The following KIAA0319 variants were observed in gnomAD, a reference collection of about 807,000 sequenced individuals.
The protein encoded by KIAA0319 is dyslexia-associated protein KIAA0319.
A neutral mutation model predicts 108.4 loss-of-function variants in KIAA0319; 83 were observed. The ratio of observed to expected loss-of-function variants is 0.77; its 90% CI spans 0.64 to 0.92. The LOEUF (loss-of-function observed/expected upper bound fraction) is 0.92. Among genes scored for constraint, KIAA0319 ranks in the 40% least tolerant of loss-of-function variants. The pLI is 0.00. For missense variants in KIAA0319, 1,195 were observed against 1,322.4 expected (o/e 0.90, Z 1.49); for synonymous variants, 484 against 510.4 (o/e 0.95, Z 0.70).
Position 24,594,785 on chromosome 6 carries a change from C to G in KIAA0319, c.801+1088G>C, listed in dbSNP as rs749981141. 2.6e-5 allele frequency among the ~76,000 whole-genome samples: 4 copies of G among 152,082 alleles called. 1 individual carries two copies. Among genetic ancestry groups the G allele is most frequent in the South Asian group, 4.1e-4 (2 of 4,830 alleles). On this transcript the variant is annotated intron_variant, in intron 3 of 20. Transcript: ENST00000378214. The stretch of plus-strand genomic sequence containing the variant: ...TGGAATCTAAAGAAGGAAAACTTTT[C>G]CTTTAAAAAATTCTTGAAGTACTCC...
chr6:24,577,904 T>C (rs1169287521), intron 9 of KIAA0319, among the ~76,000 whole-genome samples: 1 of 152,228 alleles, frequency 6.6e-6, no homozygotes, highest in Non-Finnish European at 1.5e-5. Context: ...CCTTTCACTA[T>C]ATATAAATTT....
At chr6:24,597,462 A>T (rs1442858686) in intron 2 of KIAA0319, among the ~76,000 whole-genome samples, 1 of 152,196 alleles carries the variant, frequency 6.6e-6, no homozygotes, top group Non-Finnish European at 1.5e-5. Flanking sequence ...AATCACCTGA[A>T]TGGGGGCTGT....
Position 24,593,494 on chromosome 6 carries a change from G to A in KIAA0319, c.801+2379C>T, listed in dbSNP as rs556862082. 5.6e-5 allele frequency among the ~76,000 whole-genome samples: 8 copies of A among 143,462 alleles called. No individual in the cohort carries two copies. In the South Asian group the frequency reaches 1.8e-3, roughly 33 times the overall value. The allele number at this position is 143,462 out of a possible 152,430, so 94.1% of individuals were successfully genotyped here. A position where few individuals can be genotyped will look rare whatever the true frequency, so the allele number is the denominator to read the frequency against. ...TGCAAGCTGCACCTCCCGGGTTCACGCCATTCTCCTGCCTCAGCCTCCCGA... is the reference window on the plus strand; with the variant it reads ...TGCAAGCTGCACCTCCCGGGTTCACACCATTCTCCTGCCTCAGCCTCCCGA... On this transcript the variant is annotated intron_variant, in intron 3 of 20. Transcript: ENST00000378214.
At chr6:24,575,809 A>G (rs807525) in intron 10 of KIAA0319, among the ~76,000 whole-genome samples, 14,431 of 152,190 alleles carry the variant, frequency 0.095, 696 homozygotes, top group African/African-American at 0.11. Context: ...CTGGTTAGCA[A>G]CAAAAACAAA....
chr6:24,581,156 T>C (rs1766476119), intron 6 of KIAA0319, 143 bp from the exon 7 acceptor site: 2 of 638,722 alleles, frequency 3.1e-6, no homozygotes, highest in East Asian at 2.8e-5. Context: ...TTTGGATCTG[T>C]CAAGAGGCTG....
chr6:24,593,009 C>T (rs1318984989), intron 3 of KIAA0319, among the ~76,000 whole-genome samples: 7 of 152,048 alleles, frequency 4.6e-5, no homozygotes, highest in Admixed American at 3.3e-4. Flanking sequence ...TAAAAAAAAA[C>T]ATTATCTACT....
Position 24,548,228 on chromosome 6 carries a change from G to A in KIAA0319, c.3041-885C>T, listed in dbSNP as rs565082983. ...TTAGTTCAGCTAAAACCAGGCTCTT[G>A]TCACACTACCAGGAAAGATTAGGCT... On this transcript the variant is annotated intron_variant, in intron 20 of 20. Coordinates refer to ENST00000378214, the MANE Select transcript of KIAA0319 (RefSeq NM_014809.4). Among the ~76,000 whole-genome samples, 4 of 152,238 alleles carry A rather than the reference G, an allele frequency of 2.6e-5. No homozygotes were observed. The South Asian group carries it at 6.2e-4, about 24-fold the overall frequency.
chr6:24,565,531 G>A (rs757947123), intron 14 of KIAA0319, among the ~76,000 whole-genome samples: 1 of 152,098 alleles, frequency 6.6e-6, no homozygotes, highest in Non-Finnish European at 1.5e-5. Flanking sequence ...GAAGCGGGTG[G>A]ATCACAAGGT....
chr6:24,618,416 C>G (rs1270778479), intron 1 of KIAA0319, among the ~76,000 whole-genome samples: 1 of 151,984 alleles, frequency 6.6e-6, no homozygotes, highest in Non-Finnish European at 1.5e-5. Context: ...TGAGACCAGC[C>G]TAGGCAACAT....
chr6:24,574,810 T>A (rs889180970), intron 10 of KIAA0319, among the ~76,000 whole-genome samples: 14 of 151,324 alleles, frequency 9.3e-5, no homozygotes, highest in East Asian at 1.9e-4. Context: ...GAAAAAAAAA[T>A]ACTTTCCCCT....
chr6:24,576,744 A>C, intron 9 of KIAA0319, 148 bp from the exon 10 acceptor site: 1 of 637,278 alleles, frequency 1.6e-6, no homozygotes, highest in East Asian at 2.7e-5. Flanking sequence ...ATAGAAGGAG[A>C]CTCTGTCTCT....
chr6:24,569,495 C>T (rs1301681461), intron 12 of KIAA0319, among the ~76,000 whole-genome samples: 1 of 152,176 alleles, frequency 6.6e-6, no homozygotes. Context: ...TTATCTCTTA[C>T]AAACTGATAC....
Position 24,582,278 on chromosome 6 carries a change from C to T in KIAA0319, c.1162G>A (p.Gly388Arg), listed in dbSNP as rs1343978027. The T allele has an allele frequency of 6.2e-7, 1 of 1,610,044 alleles. No homozygotes were observed. Among genetic ancestry groups the T allele is most frequent in the Admixed American group, 1.7e-5 (1 of 59,984 alleles). Residue 388 changes from glycine to arginine, a missense_variant, in exon 6 of 21, where the codon GGA becomes AGA. Transcript: ENST00000378214. ...PTDYQGEIKQ[G>R]HKQTLNLSQL... ...GAGAGGTTAAGAGTTTGCTTGTGTC[C>T]TTGTTTTATTTCACCTTGGTAGTCT... is the stretch of plus-strand genomic sequence containing the variant.
At chr6:24,577,100 T>A (rs1293625954) in intron 9 of KIAA0319, among the ~76,000 whole-genome samples, 1 of 152,258 alleles carries the variant, frequency 6.6e-6, no homozygotes, top group Non-Finnish European at 1.5e-5. Context: ...TTGCTTTTGC[T>A]GCTGTTGGCT....
Position 24,633,711 on chromosome 6 carries a change from A to G in KIAA0319, c.-106+12025T>C, listed in dbSNP as rs950862528. 2.1e-4 allele frequency among the ~76,000 whole-genome samples: 32 copies of G among 152,228 alleles called. 1 individual carries two copies. The highest frequency in any genetic ancestry group is 1.8e-4 in the Non-Finnish European group (12 of 68,046). ...AAAAATATAAAAGGATATTTGGGAA[A>G]TGAGAATAAAAGGTAATGATAAATT... On this transcript the variant is annotated intron_variant, in intron 1 of 20. Coordinates refer to ENST00000378214, the MANE Select transcript of KIAA0319 (RefSeq NM_014809.4).
intron 1 of KIAA0319, among the ~76,000 whole-genome samples, chr6:24,609,278 A>C (rs1476161511): frequency 2.0e-5 from 3 of 150,106 alleles, no homozygotes; most frequent in South Asian, 4.2e-4. Context: ...AAAAACAAAA[A>C]AAAAAAAAAA....
intron 3 of KIAA0319, among the ~76,000 whole-genome samples, chr6:24,589,250 GCTAGCT>G (rs1768060461): frequency 6.6e-6 from 1 of 152,172 alleles, no homozygotes; most frequent in African/African-American, 2.4e-5. Context: ...GAAAGAGCTA[GCTAGCT>G]CTCTTTCTTC....
chr6:24,597,036 C>T (rs1769756412), intron 2 of KIAA0319, among the ~76,000 whole-genome samples: 1 of 152,114 alleles, frequency 6.6e-6, no homozygotes, highest in African/African-American at 2.4e-5. Context: ...TCCATCACTC[C>T]ATCCCTCCAC....
chr6:24,558,983 T>C, intron 17 of KIAA0319, 30 bp downstream of exon 17: 3 of 1,583,158 alleles, frequency 1.9e-6, no homozygotes, highest in Non-Finnish European at 2.6e-6. Context: ...GCAAGTCTGA[T>C]TGTTTTAGAA....
Sources: gnomAD v4.1 joint callset for allele counts (sites outside exome capture counted in the v4.1 genomes callset) on GRCh38, gnomAD v4.1.1 for gene constraint, MANE v1.5 for transcripts, NCBI Gene and HGNC (gene_info 2026-07-23, HGNC 2026-07-21) for gene names.